The following COL6A3 variants were observed in gnomAD, a reference collection of about 807,000 sequenced individuals.
COL6A3 encodes the protein collagen alpha-3(VI) chain.
In COL6A3, 137 loss-of-function variants were observed where a neutral mutation model predicts 274.1. The ratio of observed to expected loss-of-function variants is 0.50; its 90% CI spans 0.44 to 0.58. The LOEUF is 0.58. Among genes scored for constraint, COL6A3 ranks in the 20% least tolerant of loss-of-function variants. The probability of loss-of-function intolerance (pLI) is 0.00; values close to 1 mark genes in which losing one functional copy is unlikely to be tolerated. For missense variants in COL6A3, 3,950 were observed against 4,124.9 expected, an observed-to-expected ratio of 0.96 and a Z score of 1.16; for synonymous variants, 1,650 against 1,650.6, an observed-to-expected ratio of 1.00 and a Z score of 0.01.
At chr2:237,332,070 C>CATATATATATATATATATATAT (rs58082340) in intron 42 of COL6A3, among the ~76,000 whole-genome samples, 3 of 35,182 alleles carry the variant, frequency 8.5e-5, no homozygotes, top group Non-Finnish European at 1.4e-4. Flanking sequence ...TCTCTCTCTA[C>CATATATATATATATATATATAT]ATATATATAT....
chr2:237,385,616 T>C (rs565235678), intron 4 of COL6A3, among the ~76,000 whole-genome samples: 3 of 152,188 alleles, frequency 2.0e-5, no homozygotes, highest in Admixed American at 6.5e-5. Context: ...CTGCAAAACA[T>C]AGGGAAATCT....
At chr2:237,411,670 G>T (rs1453874267) in intron 1 of COL6A3, among the ~76,000 whole-genome samples, 1 of 152,214 alleles carries the variant, frequency 6.6e-6, no homozygotes, top group Admixed American at 6.5e-5. Flanking sequence ...AAAAGGCACT[G>T]ATGATAAAGT....
rs760380736 is a variant in COL6A3 at position 237,377,168 on chromosome 2, C to T, written c.2674G>A (p.Glu892Lys). Residue 892 changes from glutamate to lysine, a missense_variant, in exon 7 of 44, where the codon GAG becomes AAG. Physicochemically the swap from Glu to Lys is moderately conservative, Grantham distance 56. Around this residue, in one of 5 missense-constraint regions of COL6A3, gnomAD observed 1,934 missense variants for 1,984.3 expected, o/e 0.97. Coordinates refer to ENST00000295550, the MANE Select transcript of COL6A3 (RefSeq NM_004369.4). Reference protein sequence around the residue: ...DDVKVESRFDEHQSKPEILNL... With the variant: ...DDVKVESRFDKHQSKPEILNL... ...AGGATCTCAGGCTTACTCTGGTGCT[C>T]ATCAAAACGGGACTCCACCTTGACA... The T allele has an allele frequency of 2.0e-5, 33 of 1,614,070 alleles. No individual in the cohort carries two copies. The highest frequency in any genetic ancestry group is 2.6e-5 in the Non-Finnish European group (31 of 1,180,052).
At chr2:237,327,560 C>T (rs564173095) in intron 42 of COL6A3, 5 of 152,262 alleles carry the variant, frequency 3.3e-5, no homozygotes, top group African/African-American at 1.2e-4. Flanking sequence ...ACTACTGAGA[C>T]CCTGTAAGAT....
chr2:237,405,246 C>T (rs1245111419), intron 1 of COL6A3, among the ~76,000 whole-genome samples: 2 of 152,144 alleles, frequency 1.3e-5, no homozygotes, highest in Non-Finnish European at 2.9e-5. Context: ...ATGCGGGAAG[C>T]AGGTCTTGTG....
chr2:237,394,708 A>G lies in COL6A3; in HGVS notation c.588T>C (p.His196=). Residue 196 remains histidine (H), a synonymous_variant, in exon 3 of 44, where the codon CAT becomes CAC. Coordinates refer to ENST00000295550, the MANE Select transcript of COL6A3 (RefSeq NM_004369.4). Reference sequence around the variant, plus strand: ...AGGTAAAATTCTCTAGGTTGAACATATGCATATTGAGCGGTTCACTTGCTA... The same window carrying G: ...AGGTAAAATTCTCTAGGTTGAACATGTGCATATTGAGCGGTTCACTTGCTA... The part of the protein sequence containing the change: ...KEIASEPLNM[H]MFNLENFTSL... 2 of 1,614,226 alleles carry G rather than the reference A, an allele frequency of 1.2e-6. No homozygotes were observed. The highest frequency in any genetic ancestry group is 2.2e-5 in the South Asian group (2 of 91,090).
At chr2:237,347,661 C>T (rs1257290516) in intron 31 of COL6A3, 146 bp downstream of exon 31, 3 of 830,224 alleles carry the variant, frequency 3.6e-6, no homozygotes, top group Non-Finnish European at 6.0e-6. Context: ...GGACATTGGT[C>T]TGGGGCTCAG....
chr2:237,382,258 C>G (rs891538247), intron 4 of COL6A3, among the ~76,000 whole-genome samples: 1 of 152,058 alleles, frequency 6.6e-6, no homozygotes, highest in African/African-American at 2.4e-5. Context: ...GGGCAGACAC[C>G]TGTAATCCCA....
chr2:237,402,200 G>A (rs766548927), intron 1 of COL6A3, among the ~76,000 whole-genome samples: 9 of 152,118 alleles, frequency 5.9e-5, no homozygotes, highest in Non-Finnish European at 1.0e-4. Context: ...AAAGAACCTA[G>A]AATGGTGTTG....
At position 237,361,820 on chromosome 2, in the gene COL6A3, G is replaced by A. The variant is rs375668409; in HGVS notation, c.6075C>T (p.Ala2025=). The change falls in exon 15 of 44, where the codon GCC becomes GCT. Residue 2025 remains alanine, a synonymous_variant. Coordinates refer to ENST00000295550, the MANE Select transcript of COL6A3 (RefSeq NM_004369.4). This position sits in a 1 kb window ranked among gnomAD's most constrained non-coding sequence, Gnocchi z 5.1. The part of the protein sequence containing the change: ...YELAEQLDNI[A]EKACCGVPCK... ...AGGGAACCCCACAGCAAGCTTTCTC[G>A]GCAATGTTGTCCTACCGAAAGGAAG... 4.3e-5 allele frequency: 70 copies of A among 1,613,942 alleles called. No individual in the cohort carries two copies. The highest frequency in any genetic ancestry group is 3.3e-4 in the South Asian group (30 of 91,080).
intron 1 of COL6A3, among the ~76,000 whole-genome samples, chr2:237,399,462 C>T (rs550820572): frequency 6.6e-6 from 1 of 152,154 alleles, no homozygotes; most frequent in Non-Finnish European, 1.5e-5. Context: ...TACCATTCTC[C>T]AGCAACGTTT....
At position 237,394,670 on chromosome 2, in the gene COL6A3, A is replaced by G. The variant is rs764047708; in HGVS notation, c.626T>C (p.Ile209Thr). ...NLENFTSLHD[I>T]VGNLVSCVHS... ...CACACAGGACACTAAGTTTCCTACT[A>G]TGTCATGAAGTGAGGTAAAATTCTC... is the stretch of plus-strand genomic sequence containing the variant. The change falls in exon 3 of 44, where the codon ATA becomes ACA. Residue 209 changes from isoleucine (I) to threonine (T), a missense_variant. Coordinates refer to ENST00000295550, the MANE Select transcript of COL6A3 (RefSeq NM_004369.4). The G allele has an allele frequency of 1.2e-6, 2 of 1,614,198 alleles. No homozygotes were observed. The highest frequency in any genetic ancestry group is 1.7e-5 in the Admixed American group (1 of 60,026).
Position 237,336,156 on chromosome 2 carries a change from G to A in COL6A3, c.8944C>T (p.Pro2982Ser), listed in dbSNP as rs1700531691. The A allele has an allele frequency of 6.2e-7, 1 of 1,613,332 alleles. No homozygotes were observed. The highest frequency in any genetic ancestry group is 1.3e-5 in the African/African-American group (1 of 74,940). ...TTACCCATGGGCTTAGTGGTGGCTG[G>A]CTTGGTGGCAGCTGGTTTGGCTGCC... ...PQAAKPAATK[P>S]ATTKPMVKMS... Residue 2982 changes from proline (P) to serine (S), a missense_variant, in exon 40 of 44, where the codon CCA (proline) becomes TCA (serine). Physicochemically the swap from Pro to Ser is moderately conservative, Grantham distance 74. Coordinates refer to ENST00000295550, the MANE Select transcript of COL6A3 (RefSeq NM_004369.4).
rs1559300701 is a variant in COL6A3, at chr2:237,413,643, A to C, written c.-31+310T>G. On this transcript the variant is annotated intron_variant, in intron 1 of 43. Coordinates refer to ENST00000295550, the MANE Select transcript of COL6A3 (RefSeq NM_004369.4). This position sits in a 1 kb window ranked among gnomAD's most constrained non-coding sequence, Gnocchi z 4.0. ...GGGTTTTAGAAGGCGGCAGTAACTT[A>C]AATAAATCATGGGCCGAAACACACT... Among the ~76,000 whole-genome samples, 1 of 152,214 alleles carries C rather than the reference A, an allele frequency of 6.6e-6. No homozygotes were observed. The highest frequency in any genetic ancestry group is 1.5e-5 in the Non-Finnish European group (1 of 68,042).
intron 23 of COL6A3, chr2:237,356,682 C>A (rs2077324988): frequency 6.4e-6 from 1 of 155,904 alleles, no homozygotes; most frequent in Non-Finnish European, 1.4e-5. Context: ...TGAGAGGTTA[C>A]AAACTTCTAC....
chr2:237,371,143 C>G lies in COL6A3; in HGVS notation c.4285+589G>C, dbSNP rs918277101. Reference sequence around the variant, plus strand: ...TTTCTTTAAGCCTTCCACAAAATGACCTGCCACTAGCTCAAGTCCCCCCAG... The same window carrying G: ...TTTCTTTAAGCCTTCCACAAAATGAGCTGCCACTAGCTCAAGTCCCCCCAG... On this transcript the variant is annotated intron_variant, in intron 9 of 43. Transcript: ENST00000295550. The surrounding 1 kb of genome is among the most constrained non-coding windows in gnomAD (Gnocchi z 4.3). Among the ~76,000 whole-genome samples the G allele has an allele frequency of 6.6e-6, 1 of 152,206 alleles. No individual in the cohort carries two copies. The highest frequency in any genetic ancestry group is 1.5e-5 in the Non-Finnish European group (1 of 68,044).
Position 237,365,961 on chromosome 2 carries a change from C to T in COL6A3, c.5575G>A (p.Glu1859Lys), listed in dbSNP as rs886043180. Reference sequence around the variant, plus strand: ...TTCAAGATGGCGTCCACCTTGGACTCGAAGCCCTTCTGGGCCACAAAAACA... The same window carrying T: ...TTCAAGATGGCGTCCACCTTGGACTTGAAGCCCTTCTGGGCCACAAAAACA... ...QNVFVAQKGF[E>K]SKVDAILNRI... The change falls in exon 12 of 44, where the codon GAG (glutamate) becomes AAG (lysine). Residue 1859 changes from glutamate to lysine, a missense_variant. Glu to Lys is a moderately conservative substitution (Grantham distance 56). This residue lies in a region of COL6A3 where 632 missense variants were observed against 623.4 expected (regional missense o/e 1.01). Coordinates refer to ENST00000295550, the MANE Select transcript of COL6A3 (RefSeq NM_004369.4). 17 of 1,613,912 alleles carry T rather than the reference C, an allele frequency of 1.1e-5. No homozygotes were observed. Among genetic ancestry groups the T allele is most frequent in the Admixed American group, 8.3e-5 (5 of 60,000 alleles).
rs200562443 is a variant in COL6A3, at chr2:237,374,818, G to T, written c.3273C>A (p.Val1091=). 1 of 1,614,002 alleles carries T rather than the reference G, an allele frequency of 6.2e-7. No homozygotes were observed. The highest frequency in any genetic ancestry group is 8.5e-7 in the Non-Finnish European group (1 of 1,180,008). ...GGGTCAGCTGGCGGACAGCGTTGAC[G>T]ACGTCCTGCTTGTTCATGTATGAAT... The part of the protein sequence containing the change: ...YLNSYMNKQD[V]VNAVRQLTLL... The change falls in exon 8 of 44, where the codon GTC becomes GTA. Residue 1091 remains valine, a synonymous_variant. Transcript: ENST00000295550. The surrounding 1 kb of genome is among the most constrained non-coding windows in gnomAD (Gnocchi z 4.8).
chr2:237,385,658 T>C (rs1019323308), intron 4 of COL6A3, among the ~76,000 whole-genome samples: 2 of 152,280 alleles, frequency 1.3e-5, no homozygotes, highest in African/African-American at 2.4e-5. Flanking sequence ...TGCACACCAA[T>C]AGTATGCAAG....
Sources: allele counts gnomAD v4.1 joint callset (sites outside exome capture counted in the v4.1 genomes callset), GRCh38; gene constraint gnomAD v4.1.1; regional missense constraint gnomAD v4.1.1; non-coding constraint Gnocchi (gnomAD v3.1); transcripts MANE v1.5; gene names NCBI Gene and HGNC (gene_info 2026-07-23, HGNC 2026-07-21).